Variants in ATP11B observed in about 807,000 individuals in gnomAD.
ATP11B encodes the protein phospholipid-transporting ATPase IF.
Under a neutral mutation model 157.8 loss-of-function variants are expected in ATP11B, and 81 were observed. The observed-to-expected ratio is 0.51, with a 90% CI of 0.43 to 0.62. The LOEUF is 0.62. Among genes scored for constraint, ATP11B ranks in the 20% least tolerant of loss-of-function variants. The pLI is 0.00. For missense variants in ATP11B, 1,165 were observed against 1,402.2 expected, an observed-to-expected ratio of 0.83 and a Z score of 2.70; for synonymous variants, 451 against 469.4, an observed-to-expected ratio of 0.96 and a Z score of 0.51.
intron 7 of ATP11B, among the ~76,000 whole-genome samples, chr3:182,838,780 A>G (rs1576998666): frequency 1.4e-5 from 2 of 145,860 alleles, no homozygotes. Flanking sequence ...TATATGTGCT[A>G]TATATTATAT....
rs192151374 is a variant in ATP11B, at chr3:182,917,179, T to C, written c.3453-844T>C. 151 of 985,334 alleles carry C rather than the reference T, an allele frequency of 1.5e-4. No homozygotes were observed. The African/African-American group carries it at 2.5e-3, about 16-fold the overall frequency. The allele number at this position is 985,334 out of a possible 1,614,324, so 61.0% of individuals were successfully genotyped here. A position where few individuals can be genotyped will look rare whatever the true frequency, so the allele number is the denominator to read the frequency against. On this transcript the variant is annotated intron_variant, in intron 29 of 29. Transcript: ENST00000323116. ...CTCATCTCTTCCTGTAACATCTCTG[T>C]TTAGGGAAGGTGGGAACCCTGGAAA... is the stretch of plus-strand genomic sequence containing the variant.
At chr3:182,821,838 G>A (rs968210204) in intron 2 of ATP11B, among the ~76,000 whole-genome samples, 1 of 152,190 alleles carries the variant, frequency 6.6e-6, no homozygotes, top group Admixed American at 6.5e-5. Flanking sequence ...GCCTGAAAGG[G>A]CACCTTAAGA....
At position 182,873,942 on chromosome 3, in the gene ATP11B, A is replaced by G. The variant is rs190436455; in HGVS notation, c.2179A>G (p.Met727Val). Residue 727 changes from methionine to valine, a missense_variant, in exon 19 of 30, where the codon ATG becomes GTG. By Grantham distance (21) the Met-to-Val change is conservative. Around this residue, in one of 4 missense-constraint regions of ATP11B, gnomAD observed 737 missense variants for 930.5 expected, o/e 0.79. Coordinates refer to ENST00000323116, the MANE Select transcript of ATP11B (RefSeq NM_014616.3). ...ATCATGTGGCCATTTTCATAGAACCATGAACATCCTTGAACTTATAAACCA... is the reference window on the plus strand; with the variant it reads ...ATCATGTGGCCATTTTCATAGAACCGTGAACATCCTTGAACTTATAAACCA... ...SLSCGHFHRT[M>V]NILELINQKS... 6.2e-6 allele frequency: 10 copies of G among 1,614,164 alleles called. No homozygotes were observed. In the East Asian group the frequency reaches 1.6e-4, roughly 25 times the overall value.
chr3:182,829,978 A>G (rs903696286), intron 4 of ATP11B: 11 of 982,646 alleles, frequency 1.1e-5, no homozygotes, highest in Non-Finnish European at 1.2e-6. Flanking sequence ...TTCCCTTGAC[A>G]GAGCTAGAAA....
At chr3:182,857,089 C>T (rs558036453) in intron 10 of ATP11B, among the ~76,000 whole-genome samples, 2 of 152,264 alleles carry the variant, frequency 1.3e-5, no homozygotes, top group African/African-American at 4.8e-5. Flanking sequence ...TATTTTTGGG[C>T]TTTGATCTTT....
chr3:182,852,462 C>T (rs1720055644), intron 10 of ATP11B, among the ~76,000 whole-genome samples: 1 of 152,210 alleles, frequency 6.6e-6, no homozygotes, highest in Non-Finnish European at 1.5e-5. Flanking sequence ...CTTTTTGTCA[C>T]TGACTTTTAC....
chr3:182,891,856 A>G (rs1723197166), intron 25 of ATP11B, among the ~76,000 whole-genome samples: 1 of 152,186 alleles, frequency 6.6e-6, no homozygotes, highest in Non-Finnish European at 1.5e-5. Context: ...GGGATGAGTT[A>G]ACCTCTCTCA....
chr3:182,888,730 T>A (rs144655254), intron 24 of ATP11B, among the ~76,000 whole-genome samples: 1,579 of 152,042 alleles, frequency 0.01, 30 homozygotes, highest in African/African-American at 0.036. Context: ...TTTATTTTAG[T>A]AGAGACAAGG....
intron 29 of ATP11B, chr3:182,914,750 A>T (rs1439508239): frequency 1.0e-6 from 1 of 985,232 alleles, no homozygotes; most frequent in Non-Finnish European, 1.2e-6. Flanking sequence ...TTTAAAATTC[A>T]TTTAAACTTG....
Position 182,845,403 on chromosome 3 carries a change from A to G in ATP11B, c.705-55A>G. ...CTTCTGCTGAAGATGCCATTTCAGA[A>G]TTGAAGAGTTTTTAATATATTCAGT... On this transcript the variant is annotated intron_variant, in intron 8 of 29. Coordinates refer to ENST00000323116, the MANE Select transcript of ATP11B (RefSeq NM_014616.3). 5.5e-6 allele frequency: 8 copies of G among 1,442,880 alleles called. No individual in the cohort carries two copies. In the South Asian group the frequency reaches 1.0e-4, roughly 19 times the overall value. The allele number at this position is 1,442,880 out of a possible 1,614,324, so 89.4% of individuals were successfully genotyped here. A position where few individuals can be genotyped will look rare whatever the true frequency, so the allele number is the denominator to read the frequency against.
At chr3:182,826,787 A>G (rs904364502) in intron 2 of ATP11B, among the ~76,000 whole-genome samples, 1 of 152,086 alleles carries the variant, frequency 6.6e-6, no homozygotes, top group Non-Finnish European at 1.5e-5. Flanking sequence ...TGGGAACCTA[A>G]CTCTGTTTAT....
intron 10 of ATP11B, among the ~76,000 whole-genome samples, chr3:182,855,419 AAAAC>A (rs1249778968): frequency 2.6e-5 from 4 of 152,226 alleles, no homozygotes; most frequent in African/African-American, 4.8e-5. Flanking sequence ...GATTTAATGT[AAAAC>A]AAACTTTTAG....
chr3:182,868,308 A>G (rs572343053), intron 15 of ATP11B, among the ~76,000 whole-genome samples: 8 of 149,522 alleles, frequency 5.4e-5, no homozygotes, highest in East Asian at 3.9e-4. Context: ...TCATATGTCA[A>G]TTCCAGCTGT....
intron 25 of ATP11B, among the ~76,000 whole-genome samples, chr3:182,891,363 A>G (rs1328969236): frequency 6.6e-6 from 1 of 152,234 alleles, no homozygotes; most frequent in African/African-American, 2.4e-5. Context: ...AGGAAAAAGT[A>G]TAAAGAAAAT....
intron 1 of ATP11B, among the ~76,000 whole-genome samples, chr3:182,813,970 C>A (rs966394668): frequency 6.6e-6 from 1 of 152,224 alleles, no homozygotes; most frequent in Admixed American, 6.5e-5. Context: ...AAGTGATCCA[C>A]CTGCCTTGGC....
intron 10 of ATP11B, among the ~76,000 whole-genome samples, chr3:182,852,202 T>G (rs1469493702): frequency 6.6e-6 from 1 of 152,218 alleles, no homozygotes; most frequent in Non-Finnish European, 1.5e-5. Context: ...AAAGGAAATT[T>G]AAATTTCTTC....
intron 29 of ATP11B, chr3:182,917,014 C>A: frequency 2.0e-6 from 2 of 985,240 alleles, no homozygotes; most frequent in Non-Finnish European, 2.4e-6. Flanking sequence ...CAGTAGTGAA[C>A]AAGTCCTTCC....
intron 29 of ATP11B, chr3:182,916,716 G>GA (rs1240964176): frequency 4.1e-6 from 4 of 983,462 alleles, no homozygotes; most frequent in East Asian, 1.1e-4. Flanking sequence ...TGTGTGCTTT[G>GA]AAAAAAAATT....
intron 2 of ATP11B, among the ~76,000 whole-genome samples, chr3:182,820,840 A>G (rs1717293594): frequency 6.6e-6 from 1 of 152,218 alleles, no homozygotes; most frequent in Non-Finnish European, 1.5e-5. Flanking sequence ...AATTGCTGAT[A>G]TCAGTAGCCC....
Sources: allele counts gnomAD v4.1 joint callset (sites outside exome capture counted in the v4.1 genomes callset), GRCh38; gene constraint gnomAD v4.1.1; regional missense constraint gnomAD v4.1.1; transcripts MANE v1.5; gene names NCBI Gene and HGNC (gene_info 2026-07-23, HGNC 2026-07-21).